NRAP: variants seen among roughly 807,000 people sequenced by gnomAD.
NRAP encodes nebulin-related-anchoring protein.
NRAP carries 189 observed loss-of-function variants against 225.9 expected under a neutral mutation model. The ratio of observed to expected loss-of-function variants is 0.84; its 90% CI spans 0.74 to 0.94. The LOEUF (loss-of-function observed/expected upper bound fraction) is 0.94. NRAP is among the 40% of genes least tolerant of loss of function. The pLI is 0.00. For synonymous variants in NRAP, 769 were observed against 790.7 expected (o/e 0.97, Z 0.46); for missense variants, 2,176 against 2,168.7 (o/e 1.00, Z -0.07).
At position 113,588,978 on chromosome 10, in the gene NRAP, C is replaced by T. The variant is rs1377072402; in HGVS notation, c.5190G>A (p.Leu1730=). The T allele has an allele frequency of 1.9e-6, 3 of 1,612,846 alleles. No individual in the cohort carries two copies. In the Admixed American group the frequency reaches 5.0e-5, roughly 27 times the overall value. ...LHVKKKKALL[L] ...CAGGAATCAGGGTGGACATGGCTCA[C>T]AACAGCAGGGCCTTCTTCTTTTTGA... The change falls in exon 42 of 42, where the codon TTG becomes TTA. Residue 1730 remains leucine (L), a synonymous_variant. Coordinates refer to ENST00000359988, the MANE Select transcript of NRAP (RefSeq NM_198060.4).
chr10:113,644,277 C>T (rs1438525261), intron 11 of NRAP, among the ~76,000 whole-genome samples: 1 of 148,600 alleles, frequency 6.7e-6, no homozygotes, highest in Non-Finnish European at 1.5e-5. Flanking sequence ...AGATACTTTA[C>T]TTTTCCAGGC....
chr10:113,649,499 T>C (rs112601138), intron 9 of NRAP, among the ~76,000 whole-genome samples: 5 of 152,340 alleles, frequency 3.3e-5, no homozygotes, highest in South Asian at 2.1e-4. Flanking sequence ...TAGCTTGTGA[T>C]TGTCATCTTA....
intron 15 of NRAP, among the ~76,000 whole-genome samples, chr10:113,633,732 G>GT (rs201928371): frequency 6.6e-6 from 1 of 152,076 alleles, no homozygotes; most frequent in Admixed American, 6.6e-5. Flanking sequence ...ATATAAACAT[G>GT]TTTTTTCTTT....
In NRAP at chr10:113,617,503, G is replaced by A. The variant is rs1485788950; in HGVS notation, c.2925C>T (p.Asp975=). The change falls in exon 26 of 42, where the codon GAC becomes GAT. Residue 975 remains aspartate, a synonymous_variant. Transcript: ENST00000359988. Reference sequence around the variant, plus strand: ...TTCTGGCCTGGACCATCTCCGGAGTGTCTTTAATACTGGTAAACTTCAAAG... The same window carrying A: ...TTCTGGCCTGGACCATCTCCGGAGTATCTTTAATACTGGTAAACTTCAAAG... ...PDALKFTSIK[D]TPEMVQARIS... is the part of the protein sequence containing the mutation. 6.2e-7 allele frequency: 1 copy of A among 1,612,688 alleles called. No individual in the cohort carries two copies. The highest frequency in any genetic ancestry group is 1.7e-5 in the Admixed American group (1 of 60,010).
At chr10:113,623,452 C>T in intron 23 of NRAP, 77 bp downstream of exon 23, 2 of 879,874 alleles carry the variant, frequency 2.3e-6, no homozygotes, top group Non-Finnish European at 3.6e-6. Flanking sequence ...AAGAACCTGC[C>T]CAGACACTCA....
intron 30 of NRAP, among the ~76,000 whole-genome samples, chr10:113,611,188 G>A (rs542527244): frequency 4.6e-5 from 7 of 152,088 alleles, no homozygotes; most frequent in African/African-American, 1.2e-4. Context: ...TGAGGGCTCC[G>A]CTCAAGTGAC....
At chr10:113,621,765 C>T in intron 24 of NRAP, 104 bp downstream of exon 24, 1 of 1,055,910 alleles carries the variant, frequency 9.5e-7, no homozygotes, top group Middle Eastern at 3.2e-4. Flanking sequence ...ACAGGTGTCC[C>T]ATAGCATAAA....
At chr10:113,657,004 G>A (rs1421732174) in intron 4 of NRAP, among the ~76,000 whole-genome samples, 1 of 152,152 alleles carries the variant, frequency 6.6e-6, no homozygotes, top group African/African-American at 2.4e-5. Flanking sequence ...CAACAGACAG[G>A]GGAGGTGGGA....
In NRAP at chr10:113,614,201, C is replaced by G. The variant is rs200023860; in HGVS notation, c.3282G>C (p.Ala1094=). Residue 1094 remains alanine, a synonymous_variant, in exon 29 of 42, where the codon GCG becomes GCC. Coordinates refer to ENST00000359988, the MANE Select transcript of NRAP (RefSeq NM_198060.4). The part of the protein sequence containing the change: ...DDISLAHSVY[A]TSLQSDVNYK... ...CACTTACATCACTCTGCAGTGAGGT[C>G]GCATACACTGAATGTGCAAGGCTGA... 5.7e-5 allele frequency: 92 copies of G among 1,612,990 alleles called. No homozygotes were observed. The highest frequency in any genetic ancestry group is 2.5e-4 in the South Asian group (23 of 91,052).
At chr10:113,653,951 C>A in intron 5 of NRAP, 70 bp downstream of exon 5, 2 of 923,730 alleles carry the variant, frequency 2.2e-6, no homozygotes, top group Admixed American at 1.7e-5. Flanking sequence ...TTGTAAAAGT[C>A]AAGGAACAGT....
At chr10:113,653,829 T>C (rs1232487698) in intron 5 of NRAP, among the ~76,000 whole-genome samples, 192 bp downstream of exon 5, 1 of 152,220 alleles carries the variant, frequency 6.6e-6, no homozygotes, top group African/African-American at 2.4e-5. Flanking sequence ...TACATGGATT[T>C]GGCCTCTGCT....
chr10:113,621,314 T>TACACAC (rs5788033), intron 24 of NRAP, among the ~76,000 whole-genome samples: 17,128 of 150,922 alleles, frequency 0.11, 1,026 homozygotes, highest in Middle Eastern at 0.21. Context: ...AGGGTGTGTC[T>TACACAC]ACACACACAC....
In NRAP at chr10:113,595,657, G is replaced by A. The variant is rs781715229; in HGVS notation, c.4502C>T (p.Thr1501Ile). Reference protein sequence around the residue: ...YTLIPDHPDFTRARLNALHLS... With the variant: ...YTLIPDHPDFIRARLNALHLS... ...ATGCAGCGCATTGAGGCGAGCTCGG[G>A]TGAAATCGGGATGGTCGGGGATCAG... Residue 1501 changes from threonine to isoleucine, a missense_variant, in exon 38 of 42, where the codon ACC becomes ATC. By Grantham distance (89) the Thr-to-Ile change is moderately conservative (BLOSUM62 -1). This residue lies in a region of NRAP where 445 missense variants were observed against 426.1 expected (regional missense o/e 1.04). Transcript: ENST00000359988. The A allele has an allele frequency of 6.2e-6, 10 of 1,613,622 alleles. No individual in the cohort carries two copies. The South Asian group carries it at 1.1e-4, about 18-fold the overall frequency.
Position 113,608,476 on chromosome 10 carries a change from T to C in NRAP, c.3640A>G (p.Thr1214Ala), listed in dbSNP as rs1320421605. 6 of 1,613,500 alleles carry C rather than the reference T, an allele frequency of 3.7e-6. No homozygotes were observed. The East Asian group carries it at 1.3e-4, about 36-fold the overall frequency. The change falls in exon 32 of 42, where the codon ACA (threonine) becomes GCA (alanine). Residue 1214 changes from threonine to alanine, a missense_variant. Thr to Ala is a moderately conservative substitution (Grantham distance 58, BLOSUM62 0). Around this residue, in one of 3 missense-constraint regions of NRAP, gnomAD observed 1,708 missense variants for 1,695.5 expected, o/e 1.01. Coordinates refer to ENST00000359988, the MANE Select transcript of NRAP (RefSeq NM_198060.4). The stretch of plus-strand genomic sequence containing the variant: ...AGGTTGGGAGTGTCTGTCACAGCTG[T>C]GTACTTGAATGAGTGGGGATGCTGC... ...YRQHPHSFKY[T>A]AVTDTPNLLH...
At position 113,597,846 on chromosome 10, in the gene NRAP, A is replaced by G. The variant is rs1846370775; in HGVS notation, c.4332+123T>C. 1.6e-5 allele frequency: 12 copies of G among 743,740 alleles called. No homozygotes were observed. In the East Asian group the frequency reaches 3.1e-4, roughly 19 times the overall value. The allele number at this position is 743,740 out of a possible 1,614,324, so 46.1% of individuals were successfully genotyped here. The stretch of plus-strand genomic sequence containing the variant: ...GGATTTGGTTGCACATGGCCCTCCA[A>G]AAATACTGGGAGTCCAGTGGCCATG... On this transcript the variant is annotated intron_variant, in intron 36 of 41. Coordinates refer to ENST00000359988, the MANE Select transcript of NRAP (RefSeq NM_198060.4).
intron 15 of NRAP, 132 bp downstream of exon 15, chr10:113,633,980 G>T: frequency 3.0e-6 from 2 of 675,634 alleles, no homozygotes; most frequent in South Asian, 1.8e-5. Flanking sequence ...AGAAGTGGGG[G>T]TCATTTTCTG....
intron 32 of NRAP, among the ~76,000 whole-genome samples, chr10:113,606,718 C>T (rs1322592755): frequency 6.6e-6 from 1 of 152,118 alleles, no homozygotes; most frequent in Non-Finnish European, 1.5e-5. Flanking sequence ...TGAATCACAC[C>T]AATGCTGCCC....
chr10:113,608,898 C>T (rs944911162), intron 31 of NRAP, among the ~76,000 whole-genome samples: 3 of 152,230 alleles, frequency 2.0e-5, no homozygotes, highest in Non-Finnish European at 4.4e-5. Flanking sequence ...GTGGCTCATG[C>T]CTGTAATCCC....
chr10:113,652,824 T>A (rs1168476029), intron 6 of NRAP, 111 bp downstream of exon 6: 1 of 718,844 alleles, frequency 1.4e-6, no homozygotes. Context: ...ATGACACTAA[T>A]GGTACCTACT....
Sources: gnomAD v4.1 joint callset for allele counts (sites outside exome capture counted in the v4.1 genomes callset) on GRCh38, gnomAD v4.1.1 for gene constraint, gnomAD v4.1.1 regional missense constraint, MANE v1.5 for transcripts, NCBI Gene and HGNC (gene_info 2026-07-23, HGNC 2026-07-21) for gene names.